ABCB7: variants seen among roughly 807,000 people sequenced by gnomAD.
The protein encoded by ABCB7 is iron-sulfur clusters transporter ABCB7, mitochondrial.
ABCB7 carries 7 observed loss-of-function variants against 54.4 expected under a neutral mutation model. The ratio of observed to expected loss-of-function variants is 0.13; its 90% CI spans 0.07 to 0.24. The LOEUF is 0.24. ABCB7 is among the 10% of genes least tolerant of loss of function. The pLI is 1.00. For synonymous variants in ABCB7, 218 were observed against 207.1 expected (o/e 1.05, Z -0.45); for missense variants, 356 against 570.4 (o/e 0.62, Z 3.83).
At chrX:75,096,790 T>G (rs1164833444) in intron 4 of ABCB7, among the ~76,000 whole-genome samples, 1 of 110,957 alleles carries the variant, frequency 9.0e-6, no homozygotes, top group African/African-American at 3.3e-5. Context: ...CCTACTTTTT[T>G]TTTTTTTAAC....
chrX:75,087,922 C>CA (rs1451919369), intron 4 of ABCB7, among the ~76,000 whole-genome samples: 14 of 111,898 alleles, frequency 1.3e-4, no homozygotes, highest in African/African-American at 4.5e-4. Context: ...AATTGACTTG[C>CA]AGTCTCAACT....
chrX:75,075,990 C>A (rs1360978469), intron 5 of ABCB7, among the ~76,000 whole-genome samples: 1 of 111,094 alleles, frequency 9.0e-6, no homozygotes, highest in Non-Finnish European at 1.9e-5. Flanking sequence ...AAAATTGAGA[C>A]CCTGAAGAAT....
intron 14 of ABCB7, among the ~76,000 whole-genome samples, chrX:75,061,812 G>C (rs1323474409): frequency 8.9e-6 from 1 of 112,194 alleles, no homozygotes; most frequent in Non-Finnish European, 1.9e-5. Flanking sequence ...TCACATCTTG[G>C]TGTTTCATAA....
At chrX:75,068,869 T>A in intron 12 of ABCB7, 138 bp downstream of exon 12, 1 of 754,424 alleles carries the variant, frequency 1.3e-6, no homozygotes, top group Non-Finnish European at 2.0e-6. Context: ...TCCCTTTTGA[T>A]ACCAGAATTT....
chrX:75,135,369 AT>A (rs1263118193), intron 1 of ABCB7, among the ~76,000 whole-genome samples: 1 of 111,332 alleles, frequency 9.0e-6, no homozygotes, highest in Non-Finnish European at 1.9e-5. Context: ...GAACAGACAG[AT>A]TCACAGCCAA....
chrX:75,079,818 TCAC>T (rs2081441269), intron 4 of ABCB7, among the ~76,000 whole-genome samples: 1 of 111,479 alleles, frequency 9.0e-6, no homozygotes, highest in East Asian at 2.8e-4. Flanking sequence ...AACTATTCCA[TCAC>T]CACAAGAGAA....
At chrX:75,114,653 C>T in intron 2 of ABCB7, 101 bp downstream of exon 2, 3 of 678,181 alleles carry the variant, frequency 4.4e-6, no homozygotes, top group East Asian at 8.8e-5. Context: ...TTTAGAAAAA[C>T]ACAAAAAGGG....
chrX:75,124,036 T>C (rs2081904005), intron 1 of ABCB7, among the ~76,000 whole-genome samples: 1 of 112,410 alleles, frequency 8.9e-6, no homozygotes, highest in Non-Finnish European at 1.9e-5. Context: ...TTTTCAAGTA[T>C]TCTTAGCACA....
At chrX:75,125,702 C>A (rs2081920192) in intron 1 of ABCB7, among the ~76,000 whole-genome samples, 1 of 111,178 alleles carries the variant, frequency 9.0e-6, no homozygotes, top group Non-Finnish European at 1.9e-5. Context: ...CATTATCTCC[C>A]CGTGGTCTTA....
Position 75,069,153 on chromosome X carries a change from A to G in ABCB7, c.1530-17T>C. The G allele has an allele frequency of 8.3e-7, 1 of 1,210,195 alleles. No homozygotes were observed. Among genetic ancestry groups the G allele is most frequent in the Non-Finnish European group, 1.1e-6 (1 of 894,052 alleles). Reference sequence around the variant, plus strand: ...GTGCTTTTCCTGAAATTGGAGATGAAGAAAGGTTATTTAGCTCCTATTAAT... The same window carrying G: ...GTGCTTTTCCTGAAATTGGAGATGAGGAAAGGTTATTTAGCTCCTATTAAT... On this transcript the variant is annotated splice_polypyrimidine_tract_variant and intron_variant, in intron 11 of 15. Transcript: ENST00000373394.
At chrX:75,092,483 T>C (rs1269352652) in intron 4 of ABCB7, among the ~76,000 whole-genome samples, 10 of 111,373 alleles carry the variant, frequency 9.0e-5, no homozygotes, top group Non-Finnish European at 5.7e-5. Flanking sequence ...ATCTAGAAGA[T>C]AACGTAAGAT....
intron 4 of ABCB7, among the ~76,000 whole-genome samples, chrX:75,096,446 C>G (rs752569247): frequency 8.1e-5 from 9 of 111,630 alleles, no homozygotes; most frequent in Non-Finnish European, 1.7e-4. Context: ...TGTACAGTCA[C>G]TCCTTCTCAG....
chrX:75,073,666 G>A, intron 8 of ABCB7, 23 bp downstream of exon 8: 2 of 1,120,514 alleles, frequency 1.8e-6, no homozygotes, highest in Non-Finnish European at 1.2e-6. Context: ...AAAGGCAGAG[G>A]AAAGTATAAT....
chrX:75,090,580 GA>G (rs1329744471), intron 4 of ABCB7, among the ~76,000 whole-genome samples: 33 of 97,440 alleles, frequency 3.4e-4, no homozygotes, highest in Admixed American at 6.6e-4. Flanking sequence ...TGGGAAAATA[GA>G]AAAAAAAAAG....
intron 4 of ABCB7, among the ~76,000 whole-genome samples, chrX:75,094,012 T>TTATA (rs1220365343): frequency 3.9e-5 from 3 of 76,398 alleles, no homozygotes; most frequent in African/African-American, 2.3e-4. Flanking sequence ...GATGTTTCTG[T>TTATA]TATATACATA....
intron 4 of ABCB7, among the ~76,000 whole-genome samples, chrX:75,081,979 C>T (rs1340679957): frequency 9.1e-6 from 1 of 109,818 alleles, no homozygotes; most frequent in East Asian, 2.8e-4. Context: ...AAAACACTTA[C>T]CATCCTTTAT....
chrX:75,141,002 T>G (rs967952340), intron 1 of ABCB7, among the ~76,000 whole-genome samples: 4 of 111,806 alleles, frequency 3.6e-5, no homozygotes, highest in Non-Finnish European at 7.5e-5. Context: ...ACAAAAACCC[T>G]TAACTCTCAT....
chrX:75,120,168 C>T (rs773303945), intron 1 of ABCB7, among the ~76,000 whole-genome samples: 1 of 112,244 alleles, frequency 8.9e-6, no homozygotes, highest in East Asian at 2.8e-4. Context: ...AAGCTATTTA[C>T]AGCTTGTAGC....
intron 4 of ABCB7, among the ~76,000 whole-genome samples, chrX:75,087,066 T>C (rs1409682932): frequency 2.7e-5 from 3 of 111,761 alleles, no homozygotes; most frequent in Non-Finnish European, 5.6e-5. Flanking sequence ...CCACCCCTTA[T>C]TTCACAACTA....
Sources: allele counts gnomAD v4.1 joint callset (sites outside exome capture counted in the v4.1 genomes callset), GRCh38; gene constraint gnomAD v4.1.1; transcripts MANE v1.5; gene names NCBI Gene and HGNC (gene_info 2026-07-23, HGNC 2026-07-21).